CD5: variants seen among roughly 807,000 people sequenced by gnomAD.
CD5 encodes the protein CD5 molecule.
Under a neutral mutation model 60.3 loss-of-function variants are expected in CD5, and 36 were observed. That is an observed-to-expected ratio of 0.60 (90% CI 0.46 to 0.79). The LOEUF (loss-of-function observed/expected upper bound fraction) is 0.79, where lower values mean the gene tolerates loss of function less well. Ranked by LOEUF, CD5 falls within the 30% of genes least tolerant of loss-of-function variation. The pLI is 0.00. For synonymous variants in CD5, 230 were observed against 257.6 expected (o/e 0.89, Z 1.03); for missense variants, 540 against 630.6 (o/e 0.86, Z 1.54).
chr11:61,121,884 G>T lies in CD5; in HGVS notation c.1079G>T (p.Cys360Phe). The T allele has an allele frequency of 1.3e-6, 2 of 1,549,304 alleles. No individual in the cohort carries two copies. Among genetic ancestry groups the T allele is most frequent in the Non-Finnish European group, 1.8e-6 (2 of 1,139,884 alleles). Residue 360 changes from cysteine (C) to phenylalanine (F), a missense_variant, in exon 6 of 11, where the codon TGC becomes TTC. Cys to Phe is a radical substitution (Grantham distance 205). Transcript: ENST00000347785. ...GAACTTTGGGAGAGAAATTCCTACT[G>T]CAAGAAGGTGTTTGTCACATGTGAG... ...CHELWERNSY[C>F]KKVFVTCQDP...
At chr11:61,115,291 G>A (rs538669020) in intron 2 of CD5, among the ~76,000 whole-genome samples, 197 bp downstream of exon 2, 90 of 152,174 alleles carry the variant, frequency 5.9e-4, no homozygotes, top group African/African-American at 2.1e-3. Context: ...CATGCAGGTG[G>A]GTGCCCTCGA....
chr11:61,100,946 TAC>T (rs1338269146), upstream of CD5, among the ~76,000 whole-genome samples: 1 of 59,948 alleles, frequency 1.7e-5, no homozygotes, highest in African/African-American at 7.2e-5. Flanking sequence ...ACATGGAGAT[TAC>T]ACACACATCA....
At chr11:61,100,366 A>G (rs1860650959), upstream of CD5, among the ~76,000 whole-genome samples, 1 of 146,720 alleles carries the variant, frequency 6.8e-6, no homozygotes, top group Non-Finnish European at 1.5e-5. Context: ...TCACTCACAC[A>G]CATCAACATG....
chr11:61,125,056 C>T lies in CD5; in HGVS notation c.1304C>T (p.Ala435Val). Residue 435 changes from alanine to valine, a missense_variant, in exon 9 of 11, where the codon GCA becomes GTA. Ala to Val is a moderately conservative substitution (Grantham distance 64). Coordinates refer to ENST00000347785, the MANE Select transcript of CD5 (RefSeq NM_014207.4). ...GTGTCTTTCCATCGCAACCACACGG[C>T]AACCGTCCGATCCCATGCTGAGAAC... ...QNMSFHRNHT[A>V]TVRSHAENPT... The T allele has an allele frequency of 6.2e-7, 1 of 1,614,122 alleles. No homozygotes were observed. Among genetic ancestry groups the T allele is most frequent in the Non-Finnish European group, 8.5e-7 (1 of 1,179,988 alleles).
At chr11:61,110,393 G>C (rs948665719) in intron 1 of CD5, among the ~76,000 whole-genome samples, 2 of 152,210 alleles carry the variant, frequency 1.3e-5, no homozygotes, top group African/African-American at 4.8e-5. Flanking sequence ...GAAGGTGAGG[G>C]ACTGTGGAAT....
chr11:61,110,601 G>A (rs939847608), intron 1 of CD5, among the ~76,000 whole-genome samples: 3 of 152,208 alleles, frequency 2.0e-5, no homozygotes, highest in African/African-American at 7.2e-5. Flanking sequence ...AGGCCATCAT[G>A]GGCTTCCTGC....
chr11:61,105,907 C>T (rs1392521620), intron 1 of CD5, among the ~76,000 whole-genome samples: 8 of 152,050 alleles, frequency 5.3e-5, no homozygotes, highest in African/African-American at 1.7e-4. Flanking sequence ...GGTGGATCAC[C>T]TGAGGTCAGA....
At position 61,119,283 on chromosome 11, in the gene CD5, C is replaced by T. The variant is rs769033027; in HGVS notation, c.513C>T (p.Ala171=). 2.1e-5 allele frequency: 34 copies of T among 1,613,146 alleles called. No individual in the cohort carries two copies. Among genetic ancestry groups the T allele is most frequent in the Admixed American group, 1.5e-4 (9 of 59,998 alleles). ...LVAQSGGQHC[A]GVVEFYSGSL... ...CACAGTCTGGCGGCCAGCACTGTGC[C>T]GGCGTGGTGGAGTTCTACAGCGGCA... The change falls in exon 5 of 11, where the codon GCC becomes GCT. Residue 171 remains alanine (A), a synonymous_variant. Transcript: ENST00000347785.
chr11:61,117,326 T>C (rs539278543), intron 2 of CD5, among the ~76,000 whole-genome samples: 1 of 152,356 alleles, frequency 6.6e-6, no homozygotes, highest in African/African-American at 2.4e-5. Flanking sequence ...TGAGGCTAGA[T>C]TCAGGGAAAT....
At chr11:61,121,078 G>GA (rs1253993382) in intron 5 of CD5, among the ~76,000 whole-genome samples, 2 of 152,262 alleles carry the variant, frequency 1.3e-5, no homozygotes, top group African/African-American at 4.8e-5. Flanking sequence ...CCCACTTGCT[G>GA]AAAGCCTGGC....
At chr11:61,103,071 G>A (rs560517123) in intron 1 of CD5, among the ~76,000 whole-genome samples, 17 of 152,374 alleles carry the variant, frequency 1.1e-4, no homozygotes, top group Middle Eastern at 3.4e-3. Flanking sequence ...TGGACAGACA[G>A]TGGGCCGAGG....
At chr11:61,101,883 C>T (rs1860697070), upstream of CD5, among the ~76,000 whole-genome samples, 1 of 151,156 alleles carries the variant, frequency 6.6e-6, no homozygotes, top group Non-Finnish European at 1.5e-5. Flanking sequence ...AGAGATCACA[C>T]AAGTCAACAT....
At chr11:61,119,130 G>T in intron 4 of CD5, 104 bp from the exon 5 acceptor site, 2 of 1,231,380 alleles carry the variant, frequency 1.6e-6, no homozygotes, top group South Asian at 2.8e-5. Flanking sequence ...CCAAGGCTAA[G>T]CGTTAGTCAG....
In CD5 at chr11:61,118,152, C is replaced by T; in HGVS notation, c.95-23C>T. ...GGGGAACCCCTCCCAGCCTGACCCC[C>T]ACCACACCTTTCTGACCCCCAGATT... On this transcript the variant is annotated intron_variant, in intron 2 of 10. Coordinates refer to ENST00000347785, the MANE Select transcript of CD5 (RefSeq NM_014207.4). This position sits in a 1 kb window ranked among gnomAD's most constrained non-coding sequence, Gnocchi z 4.7. The T allele has an allele frequency of 6.2e-7, 1 of 1,607,288 alleles. No homozygotes were observed. Among genetic ancestry groups the T allele is most frequent in the Non-Finnish European group, 8.5e-7 (1 of 1,175,846 alleles).
chr11:61,111,423 A>G lies in CD5; in HGVS notation c.56-3633A>G, dbSNP rs148008295. 6.1e-3 allele frequency among the ~76,000 whole-genome samples: 929 copies of G among 152,276 alleles called. 10 individuals carry two copies. Among genetic ancestry groups the G allele is most frequent in the African/African-American group, 0.021 (869 of 41,540 alleles). ...GGGGCTGTGTGGAAGATTAACAACA[A>G]TATCTGTGATGAACCATACCGTGGG... On this transcript the variant is annotated intron_variant, in intron 1 of 10. Coordinates refer to ENST00000347785, the MANE Select transcript of CD5 (RefSeq NM_014207.4).
At chr11:61,125,212 G>A (rs1445949624) in intron 9 of CD5, 61 bp downstream of exon 9, 1 of 1,598,276 alleles carries the variant, frequency 6.3e-7, no homozygotes, top group Non-Finnish European at 8.6e-7. Flanking sequence ...GCCAAGGCAG[G>A]TCACGTGATG....
At chr11:61,103,601 ATGTGTGTC>A (rs1860732049) in intron 1 of CD5, among the ~76,000 whole-genome samples, 1 of 134,540 alleles carries the variant, frequency 7.4e-6, no homozygotes, top group African/African-American at 2.8e-5. Context: ...GTGTGAGTCT[ATGTGTGTC>A]TGTGTGAGTC....
chr11:61,105,714 G>A (rs1860767746), intron 1 of CD5, among the ~76,000 whole-genome samples: 1 of 152,114 alleles, frequency 6.6e-6, no homozygotes, highest in Non-Finnish European at 1.5e-5. Context: ...ATATTATTGA[G>A]CATCTCCTGT....
intron 8 of CD5, 102 bp from the exon 9 acceptor site, chr11:61,124,930 C>G: frequency 6.9e-7 from 1 of 1,446,736 alleles, no homozygotes; most frequent in African/African-American, 1.4e-5. Context: ...CCTCTCCCCG[C>G]TAACATCATG....
Sources: allele counts gnomAD v4.1 joint callset (sites outside exome capture counted in the v4.1 genomes callset), GRCh38; gene constraint gnomAD v4.1.1; non-coding constraint Gnocchi (gnomAD v3.1); transcripts MANE v1.5; gene names NCBI Gene and HGNC (gene_info 2026-07-23, HGNC 2026-07-21).